The following CNOT10 variants were observed in gnomAD, a reference collection of about 807,000 sequenced individuals.
The protein encoded by CNOT10 is CCR4-NOT transcription complex, subunit 10.
In CNOT10, 30 loss-of-function variants were observed where a neutral mutation model predicts 94.6. The observed-to-expected ratio is 0.32, with a 90% CI of 0.24 to 0.43. CNOT10 has a LOEUF of 0.43. Ranked by LOEUF, CNOT10 falls within the 20% of genes least tolerant of loss-of-function variation. The pLI is 1.00. For missense variants in CNOT10, 759 were observed against 877.2 expected (o/e 0.87, Z 1.70); for synonymous variants, 289 against 301.6 (o/e 0.96, Z 0.43).
At chr3:32,724,070 ACCC>A (rs1698540834) in intron 8 of CNOT10, among the ~76,000 whole-genome samples, 2 of 152,094 alleles carry the variant, frequency 1.3e-5, no homozygotes, top group Admixed American at 1.3e-4. Flanking sequence ...ATGGAATGAG[ACCC>A]TGTCTCAGAG....
intron 12 of CNOT10, among the ~76,000 whole-genome samples, chr3:32,736,751 T>C (rs534947194): frequency 6.6e-6 from 1 of 152,032 alleles, no homozygotes; most frequent in South Asian, 2.1e-4. Flanking sequence ...CACTCCAGCC[T>C]GGGCAACAGT....
chr3:32,772,521 C>A (rs1700957976), intron 18 of CNOT10, among the ~76,000 whole-genome samples: 1 of 151,938 alleles, frequency 6.6e-6, no homozygotes, highest in Admixed American at 6.6e-5. Flanking sequence ...GACCCTGTCT[C>A]TTTTTTAAAA....
chr3:32,737,754 C>G (rs1699254739), intron 13 of CNOT10, among the ~76,000 whole-genome samples: 2 of 151,738 alleles, frequency 1.3e-5, no homozygotes, highest in South Asian at 4.2e-4. Context: ...ACCCGGGAGG[C>G]GGAGGTTGCA....
At chr3:32,741,001 T>C (rs1480309310) in intron 13 of CNOT10, among the ~76,000 whole-genome samples, 1 of 152,046 alleles carries the variant, frequency 6.6e-6, no homozygotes, top group Non-Finnish European at 1.5e-5. Flanking sequence ...CCACCGTGCC[T>C]AACCCAGAAC....
chr3:32,703,680 A>C, intron 1 of CNOT10, 188 bp from the exon 2 acceptor site: 10 of 518,286 alleles, frequency 1.9e-5, no homozygotes, highest in Admixed American at 3.4e-5. Flanking sequence ...CAGGATGGCA[A>C]GAGATTTCAT....
intron 10 of CNOT10, 100 bp downstream of exon 10, chr3:32,727,970 C>T (rs1042724806): frequency 1.8e-4 from 137 of 751,446 alleles, no homozygotes; most frequent in Non-Finnish European, 7.4e-5. Flanking sequence ...ATACATAAGA[C>T]ATTTCTCTTT....
intron 13 of CNOT10, among the ~76,000 whole-genome samples, chr3:32,744,240 C>G (rs558894321): frequency 4.6e-5 from 7 of 152,272 alleles, no homozygotes; most frequent in African/African-American, 1.4e-4. Context: ...GAGATTTCAT[C>G]TATTTCTGAC....
At chr3:32,738,908 C>CTT (rs767544887) in intron 13 of CNOT10, among the ~76,000 whole-genome samples, 13 of 137,386 alleles carry the variant, frequency 9.5e-5, no homozygotes, top group African/African-American at 2.9e-4. Context: ...TATTTTCTTT[C>CTT]TTTTTTTTTT....
chr3:32,727,735 CTG>C lies in CNOT10; in HGVS notation c.1083_1084del (p.Cys361TrpfsTer19). ...TNKRYELLYN[C>X]GIQLLHIGRP... The stretch of plus-strand genomic sequence containing the variant: ...ATAAGAGATATGAGTTGCTGTATAA[CTG>C]TGGAATTCAGCTTCTTCACATTGGA... On this transcript the variant is annotated frameshift_variant, in exon 10 of 19. Coordinates refer to ENST00000328834, the MANE Select transcript of CNOT10 (RefSeq NM_015442.3). LOFTEE classifies it high-confidence loss of function. 1.2e-6 allele frequency: 2 copies of C among 1,614,014 alleles called. No individual in the cohort carries two copies. Among genetic ancestry groups the C allele is most frequent in the Non-Finnish European group, 1.7e-6 (2 of 1,179,948 alleles).
At chr3:32,687,865 T>G (rs1696698535) in intron 1 of CNOT10, 1 of 152,320 alleles carries the variant, frequency 6.6e-6, no homozygotes, top group Non-Finnish European at 1.5e-5. Context: ...AGCATTGTGT[T>G]TTTTGAGCTT....
chr3:32,734,851 A>T lies in CNOT10; in HGVS notation c.1389A>T (p.Ile463=). The stretch of plus-strand genomic sequence containing the variant: ...TAGCCAGTATGGAGTTTGCAGCCAT[A>T]TGTCTCAGAAATGCCTTGTTGCTGC... ...IPVASMEFAA[I]CLRNALLLLP... Residue 463 remains isoleucine (I), a synonymous_variant, in exon 12 of 19, where the codon ATA becomes ATT. Coordinates refer to ENST00000328834, the MANE Select transcript of CNOT10 (RefSeq NM_015442.3). 9 of 1,614,064 alleles carry T rather than the reference A, an allele frequency of 5.6e-6. No homozygotes were observed. Among genetic ancestry groups the T allele is most frequent in the Non-Finnish European group, 7.6e-6 (9 of 1,179,978 alleles).
chr3:32,688,792 A>G (rs1696729236), intron 1 of CNOT10, among the ~76,000 whole-genome samples: 1 of 151,778 alleles, frequency 6.6e-6, no homozygotes, highest in East Asian at 1.9e-4. Context: ...GTGTGTGCCT[A>G]TAGTCTCAGC....
At chr3:32,737,897 T>G (rs1699266384) in intron 13 of CNOT10, among the ~76,000 whole-genome samples, 1 of 152,230 alleles carries the variant, frequency 6.6e-6, no homozygotes, top group Admixed American at 6.5e-5. Flanking sequence ...CTTTCAATCT[T>G]GTGATAAACC....
At chr3:32,740,285 C>T (rs1699403058) in intron 13 of CNOT10, among the ~76,000 whole-genome samples, 1 of 151,462 alleles carries the variant, frequency 6.6e-6, no homozygotes, top group South Asian at 2.1e-4. Context: ...ATGGTGAAAC[C>T]CCATCTCTAC....
chr3:32,758,831 G>A (rs980973467), intron 13 of CNOT10, among the ~76,000 whole-genome samples: 2 of 152,110 alleles, frequency 1.3e-5, no homozygotes, highest in Admixed American at 6.6e-5. Flanking sequence ...TAACTTAAAC[G>A]TTGTCTTCAC....
intron 13 of CNOT10, among the ~76,000 whole-genome samples, chr3:32,744,694 T>G (rs1471972782): frequency 6.6e-6 from 1 of 152,158 alleles, no homozygotes; most frequent in Non-Finnish European, 1.5e-5. Flanking sequence ...TTGGATGAAC[T>G]TAGAGATACT....
chr3:32,703,807 TA>T, intron 1 of CNOT10, 60 bp from the exon 2 acceptor site: 2 of 1,134,478 alleles, frequency 1.8e-6, no homozygotes, highest in Non-Finnish European at 2.6e-6. Context: ...TGAAACTGGA[TA>T]AGGAGGGACC....
chr3:32,689,132 C>T (rs1243194303), intron 1 of CNOT10, among the ~76,000 whole-genome samples: 1 of 151,962 alleles, frequency 6.6e-6, no homozygotes, highest in Non-Finnish European at 1.5e-5. Flanking sequence ...GTGAGTGGAT[C>T]ACCTGAGGAC....
intron 17 of CNOT10, among the ~76,000 whole-genome samples, chr3:32,767,512 T>C: frequency 1.1e-5 from 1 of 91,106 alleles, no homozygotes. Flanking sequence ...AGAGCGAAAC[T>C]CTGTCTCAAA....
Sources: allele counts gnomAD v4.1 joint callset (sites outside exome capture counted in the v4.1 genomes callset), GRCh38; gene constraint gnomAD v4.1.1; transcripts MANE v1.5; gene names NCBI Gene and HGNC (gene_info 2026-07-23, HGNC 2026-07-21).